The following RXFP1 variants were observed in gnomAD, a reference collection of about 807,000 sequenced individuals.
The protein encoded by RXFP1 is relaxin family peptide receptor 1.
Under a neutral mutation model 89.8 loss-of-function variants are expected in RXFP1, and 73 were observed. The observed-to-expected ratio is 0.81, with a 90% CI of 0.67 to 0.99. The LOEUF (loss-of-function observed/expected upper bound fraction) is 0.99, where lower values mean the gene tolerates loss of function less well. Among genes scored for constraint, RXFP1 ranks in the 50% least tolerant of loss-of-function variants. RXFP1 has a pLI of 0.00. For synonymous variants in RXFP1, 277 were observed against 305.5 expected, an observed-to-expected ratio of 0.91 and a Z score of 0.97; for missense variants, 793 against 895.5, an observed-to-expected ratio of 0.89 and a Z score of 1.46.
chr4:158,545,017 C>T (rs999228200), intron 1 of RXFP1, among the ~76,000 whole-genome samples: 51 of 151,658 alleles, frequency 3.4e-4, no homozygotes, highest in Non-Finnish European at 4.7e-4. Flanking sequence ...CCTGAGGAAT[C>T]GCCACACTGA....
At chr4:158,627,649 G>C (rs1244801112) in intron 10 of RXFP1, among the ~76,000 whole-genome samples, 2 of 151,926 alleles carry the variant, frequency 1.3e-5, no homozygotes, top group African/African-American at 4.8e-5. Flanking sequence ...GTATATAGGC[G>C]ATACAATAGC....
At chr4:158,558,316 G>T (rs867935385) in intron 1 of RXFP1, among the ~76,000 whole-genome samples, 2 of 152,136 alleles carry the variant, frequency 1.3e-5, no homozygotes, top group Non-Finnish European at 2.9e-5. Flanking sequence ...GTGGCAGGTA[G>T]TTGCTTCCTC....
chr4:158,565,261 A>T (rs1753318003), intron 1 of RXFP1, among the ~76,000 whole-genome samples: 1 of 152,186 alleles, frequency 6.6e-6, no homozygotes, highest in Non-Finnish European at 1.5e-5. Context: ...AGAAAATTAG[A>T]CTGAGCCTGT....
chr4:158,626,398 T>C (rs927606613), intron 9 of RXFP1, among the ~76,000 whole-genome samples: 9 of 152,124 alleles, frequency 5.9e-5, no homozygotes, highest in Admixed American at 2.6e-4. Context: ...GCAACAATAA[T>C]AGAATCTGAT....
chr4:158,582,733 A>G (rs1340866511), intron 2 of RXFP1, among the ~76,000 whole-genome samples: 2 of 152,162 alleles, frequency 1.3e-5, no homozygotes, highest in Non-Finnish European at 2.9e-5. Context: ...GCCTCTACTT[A>G]GCAAAGGACA....
At chr4:158,607,366 C>T (rs1489606584) in intron 5 of RXFP1, among the ~76,000 whole-genome samples, 1 of 151,992 alleles carries the variant, frequency 6.6e-6, no homozygotes, top group African/African-American at 2.4e-5. Context: ...TATAAATTTC[C>T]TCCAAACAGT....
chr4:158,629,015 G>A (rs867787454), intron 11 of RXFP1, among the ~76,000 whole-genome samples: 3 of 150,552 alleles, frequency 2.0e-5, no homozygotes, highest in Non-Finnish European at 4.4e-5. Flanking sequence ...AAGAAGGACG[G>A]TAAATTTATG....
rs751003500 is a variant in RXFP1 at position 158,617,156 on chromosome 4, C to A, written c.706C>A (p.Arg236Ser). The A allele has an allele frequency of 3.1e-6, 5 of 1,609,426 alleles. No individual in the cohort carries two copies. In the Admixed American group the frequency reaches 6.7e-5, roughly 22 times the overall value. ...AGTCCTGATGAATAACGTCCTCACC[C>A]GTTTACCTGATAAACCTCTCTGTCA... ...LLVLMNNVLTRLPDKPLCQHM... is the reference protein window; with the variant it reads ...LLVLMNNVLTSLPDKPLCQHM... The change falls in exon 9 of 18, where the codon CGT becomes AGT. Residue 236 changes from arginine to serine, a missense_variant. Arg to Ser is a moderately radical substitution (Grantham distance 110). Coordinates refer to ENST00000307765, the MANE Select transcript of RXFP1 (RefSeq NM_021634.4).
intron 3 of RXFP1, among the ~76,000 whole-genome samples, chr4:158,594,918 A>G (rs889154492): frequency 1.3e-5 from 2 of 152,286 alleles, no homozygotes; most frequent in East Asian, 1.9e-4. Flanking sequence ...TAAATGTTAT[A>G]TAATAATAAC....
chr4:158,547,031 T>A (rs375287357), intron 1 of RXFP1, among the ~76,000 whole-genome samples: 1 of 152,100 alleles, frequency 6.6e-6, no homozygotes, highest in African/African-American at 2.4e-5. Context: ...ATGGTACCAG[T>A]TCCTCCTTGT....
intron 11 of RXFP1, among the ~76,000 whole-genome samples, chr4:158,629,294 A>AT (rs1767563927): frequency 6.6e-6 from 1 of 152,108 alleles, no homozygotes; most frequent in Non-Finnish European, 1.5e-5. Context: ...TTCCTAAAGG[A>AT]TTAGGATTCA....
At chr4:158,643,892 G>A (rs1414147766) in intron 14 of RXFP1, among the ~76,000 whole-genome samples, 1 of 152,044 alleles carries the variant, frequency 6.6e-6, no homozygotes. Flanking sequence ...ATTCTCATCA[G>A]CATTTGTTAC....
intron 14 of RXFP1, among the ~76,000 whole-genome samples, chr4:158,642,342 A>G (rs1770538872): frequency 6.6e-6 from 1 of 152,160 alleles, no homozygotes; most frequent in African/African-American, 2.4e-5. Flanking sequence ...GAAACCATAC[A>G]TTATTGTTAA....
rs1354147927 is a variant in RXFP1, at chr4:158,612,221, C to A, written c.608+20C>A. ...ATGGCTGTATGTTTAATTTATGTGG[C>A]ATTTTATTGCACTAGTTTTTAGATT... On this transcript the variant is annotated intron_variant, in intron 7 of 17. Transcript: ENST00000307765. 1 of 1,604,760 alleles carries A rather than the reference C, an allele frequency of 6.2e-7. No individual in the cohort carries two copies. The highest frequency in any genetic ancestry group is 8.5e-7 in the Non-Finnish European group (1 of 1,174,624).
chr4:158,541,380 A>ACACACG (rs1248381072), intron 1 of RXFP1, among the ~76,000 whole-genome samples: 31 of 151,834 alleles, frequency 2.0e-4, no homozygotes, highest in African/African-American at 7.0e-4. Context: ...ACACACACAC[A>ACACACG]CAGTGTCCAG....
At position 158,604,130 on chromosome 4, in the gene RXFP1, G is replaced by C. The variant is rs552280784; in HGVS notation, c.393-938G>C. ...TTTTTTAAGAAGGATTCATCACCAA[G>C]TTTAAGCAACACCACTTCAAAACCT... On this transcript the variant is annotated intron_variant, in intron 4 of 17. Coordinates refer to ENST00000307765, the MANE Select transcript of RXFP1 (RefSeq NM_021634.4). Among the ~76,000 whole-genome samples, 33 of 151,956 alleles carry C rather than the reference G, an allele frequency of 2.2e-4. No individual in the cohort carries two copies. In the South Asian group the frequency reaches 6.2e-3, roughly 29 times the overall value.
intron 12 of RXFP1, among the ~76,000 whole-genome samples, chr4:158,636,289 T>C (rs1403991269): frequency 1.3e-5 from 2 of 152,222 alleles, no homozygotes; most frequent in Admixed American, 1.3e-4. Context: ...GTTTCATGAC[T>C]TAAGATTTAT....
At chr4:158,631,482 C>T (rs1768012817) in intron 11 of RXFP1, among the ~76,000 whole-genome samples, 2 of 152,088 alleles carry the variant, frequency 1.3e-5, no homozygotes, top group Admixed American at 6.6e-5. Context: ...AAAGGAAGCA[C>T]ATATGTACAG....
chr4:158,602,568 A>C (rs1761880407), intron 4 of RXFP1, among the ~76,000 whole-genome samples: 1 of 152,172 alleles, frequency 6.6e-6, no homozygotes, highest in Non-Finnish European at 1.5e-5. Flanking sequence ...ATACAAAAAA[A>C]AAAAGAAGTT....
Sources: allele counts gnomAD v4.1 joint callset (sites outside exome capture counted in the v4.1 genomes callset), GRCh38; gene constraint gnomAD v4.1.1; transcripts MANE v1.5; gene names NCBI Gene and HGNC (gene_info 2026-07-23, HGNC 2026-07-21).